Variants in MYRIP observed in about 807,000 individuals in gnomAD.
MYRIP encodes myosin VIIA and Rab interacting protein, also known as rab effector MyRIP.
Under a neutral mutation model 98.0 loss-of-function variants are expected in MYRIP, and 49 were observed. The observed-to-expected ratio is 0.50, with a 90% CI of 0.40 to 0.63. The LOEUF (loss-of-function observed/expected upper bound fraction) is 0.63. Ranked by LOEUF, MYRIP falls within the 30% of genes least tolerant of loss-of-function variation. The pLI is 0.00. For missense variants in MYRIP, 1,004 were observed against 1,058.2 expected, an observed-to-expected ratio of 0.95 and a Z score of 0.71; for synonymous variants, 404 against 409.5, an observed-to-expected ratio of 0.99 and a Z score of 0.16.
chr3:40,184,188 T>A (rs1483487414), intron 9 of MYRIP, among the ~76,000 whole-genome samples: 1 of 152,212 alleles, frequency 6.6e-6, no homozygotes, highest in African/African-American at 2.4e-5. Context: ...TCGCTCTCTC[T>A]CTTCTTCCTC....
intron 2 of MYRIP, among the ~76,000 whole-genome samples, chr3:39,999,690 G>T (rs2125783612): frequency 6.6e-6 from 1 of 152,200 alleles, no homozygotes; most frequent in South Asian, 2.1e-4. Flanking sequence ...ATACCTAAAG[G>T]ATTATAAAAC....
intron 1 of MYRIP, among the ~76,000 whole-genome samples, chr3:39,871,533 A>G (rs1479866476): frequency 2.0e-5 from 3 of 152,198 alleles, no homozygotes; most frequent in African/African-American, 7.2e-5. Context: ...TTACTTGCCC[A>G]GTGACAGTGG....
chr3:39,916,214 T>G (rs1416345434), intron 2 of MYRIP, among the ~76,000 whole-genome samples: 2 of 152,014 alleles, frequency 1.3e-5, no homozygotes, highest in African/African-American at 4.8e-5. Flanking sequence ...ACATTAAAAA[T>G]TTTTCAATAA....
At chr3:39,926,411 G>A (rs9831761) in intron 2 of MYRIP, among the ~76,000 whole-genome samples, 56,230 of 151,812 alleles carry the variant, frequency 0.37, 10,724 homozygotes, top group East Asian at 0.46. Flanking sequence ...TCCTTGCCAA[G>A]GTCGATGTCT....
intron 2 of MYRIP, among the ~76,000 whole-genome samples, chr3:40,036,840 A>G (rs1947396253): frequency 6.6e-6 from 1 of 152,128 alleles, no homozygotes; most frequent in Admixed American, 6.6e-5. Flanking sequence ...TTACAAACCA[A>G]CATTAAATCA....
intron 1 of MYRIP, among the ~76,000 whole-genome samples, chr3:39,831,985 C>T (rs1185960861): frequency 1.3e-5 from 2 of 152,078 alleles, no homozygotes; most frequent in African/African-American, 4.8e-5. Context: ...TTGCATTGCA[C>T]CTGGCACTCT....
At chr3:39,936,646 G>GT (rs1438736428) in intron 2 of MYRIP, among the ~76,000 whole-genome samples, 2 of 152,144 alleles carry the variant, frequency 1.3e-5, no homozygotes, top group Non-Finnish European at 2.9e-5. Flanking sequence ...GAATCAGAAG[G>GT]CAGAGCATGC....
intron 1 of MYRIP, among the ~76,000 whole-genome samples, chr3:39,873,303 A>T (rs1372370229): frequency 1.3e-5 from 2 of 151,780 alleles, no homozygotes; most frequent in South Asian, 2.1e-4. Flanking sequence ...GTTCACTCTG[A>T]TGGTAGTTTC....
chr3:39,836,875 G>C (rs941550938), intron 1 of MYRIP, among the ~76,000 whole-genome samples: 2 of 152,114 alleles, frequency 1.3e-5, no homozygotes, highest in African/African-American at 4.8e-5. Context: ...AAATACTATT[G>C]GGGGCAATTT....
rs116088208 is a variant in MYRIP at position 39,811,925 on chromosome 3, G to A, written c.-31+2009G>A. On this transcript the variant is annotated intron_variant, in intron 1 of 16. Transcript: ENST00000302541. Reference sequence around the variant, plus strand: ...TTCCTCCCTGCCCAGAGGGATTCCCGATGGCTGAAAAATATCCCGTAGAAA... The same window carrying A: ...TTCCTCCCTGCCCAGAGGGATTCCCAATGGCTGAAAAATATCCCGTAGAAA... Among the ~76,000 whole-genome samples the A allele has an allele frequency of 9.1e-4, 138 of 152,252 alleles. 2 individuals carry two copies. The South Asian group carries it at 0.027, about 29-fold the overall frequency.
At chr3:40,221,165 A>G (rs13315906) in intron 11 of MYRIP, among the ~76,000 whole-genome samples, 1,637 of 152,030 alleles carry the variant, frequency 0.011, 26 homozygotes, top group African/African-American at 0.037. Context: ...AACTTGCCAT[A>G]TGGTTAGCAC....
intron 2 of MYRIP, among the ~76,000 whole-genome samples, chr3:39,904,754 C>T (rs904302080): frequency 1.3e-5 from 2 of 151,992 alleles, no homozygotes; most frequent in Non-Finnish European, 1.5e-5. Context: ...GTGTAGATAT[C>T]AGCTGCTGTG....
chr3:39,855,205 T>C (rs1942249267), intron 1 of MYRIP, among the ~76,000 whole-genome samples: 1 of 152,198 alleles, frequency 6.6e-6, no homozygotes, highest in Non-Finnish European at 1.5e-5. Context: ...TTAGGTATTG[T>C]CTTCTTCCTG....
At chr3:40,236,279 G>A (rs999475149) in intron 12 of MYRIP, among the ~76,000 whole-genome samples, 2 of 152,180 alleles carry the variant, frequency 1.3e-5, no homozygotes, top group African/African-American at 2.4e-5. Context: ...ACTCTATGAT[G>A]TTCACACAAT....
At chr3:39,946,845 AGTTTGTG>A (rs1474910352) in intron 2 of MYRIP, among the ~76,000 whole-genome samples, 2 of 152,156 alleles carry the variant, frequency 1.3e-5, no homozygotes, top group African/African-American at 4.8e-5. Context: ...GTTGTCACTG[AGTTTGTG>A]GTGATTTGTT....
intron 2 of MYRIP, among the ~76,000 whole-genome samples, chr3:40,006,992 A>G (rs965391048): frequency 1.3e-5 from 2 of 152,130 alleles, no homozygotes; most frequent in African/African-American, 4.8e-5. Context: ...CAGAGCAGTT[A>G]TGACTACAGG....
chr3:40,142,893 T>C (rs555705143), intron 3 of MYRIP, among the ~76,000 whole-genome samples: 2 of 152,340 alleles, frequency 1.3e-5, no homozygotes, highest in South Asian at 2.1e-4. Context: ...CCACCTCTCG[T>C]ACACACCTAC....
chr3:39,809,318 A>G (rs534796111), upstream of MYRIP, among the ~76,000 whole-genome samples: 543 of 151,202 alleles, frequency 3.6e-3, 2 homozygotes, highest in Non-Finnish European at 5.6e-3. Flanking sequence ...ACTGCGCCGC[A>G]GGGAAGAGCC....
intron 2 of MYRIP, among the ~76,000 whole-genome samples, chr3:39,990,819 A>G (rs1946155795): frequency 6.6e-6 from 1 of 152,214 alleles, no homozygotes; most frequent in African/African-American, 2.4e-5. Context: ...TTGCAGGCAC[A>G]TGGCAAACTG....
Sources: gnomAD v4.1 joint callset for allele counts (sites outside exome capture counted in the v4.1 genomes callset) on GRCh38, gnomAD v4.1.1 for gene constraint, MANE v1.5 for transcripts, NCBI Gene and HGNC (gene_info 2026-07-23, HGNC 2026-07-21) for gene names.